NAV2: variants seen among roughly 807,000 people sequenced by gnomAD.
NAV2 encodes helicase, APC down-regulated 1.
NAV2 carries 54 observed loss-of-function variants against 223.2 expected under a neutral mutation model. That is an observed-to-expected ratio of 0.24 (90% CI 0.19 to 0.30). The LOEUF (loss-of-function observed/expected upper bound fraction) is 0.30, where lower values mean the gene tolerates loss of function less well. NAV2 is among the 10% of genes least tolerant of loss of function. NAV2 has a pLI of 1.00. For missense variants in NAV2, 2,806 were observed against 3,147.5 expected (o/e 0.89, Z 2.60); for synonymous variants, 1,279 against 1,239.3 (o/e 1.03, Z -0.67).
At chr11:19,708,625 C>T (rs1306117511), upstream of NAV2, among the ~76,000 whole-genome samples, 6 of 152,174 alleles carry the variant, frequency 3.9e-5, no homozygotes, top group East Asian at 1.2e-3. Context: ...TCACACTCAA[C>T]TAATCACAAG....
intron 1 of NAV2, among the ~76,000 whole-genome samples, chr11:19,424,074 C>T (rs905911445): frequency 2.0e-5 from 3 of 152,034 alleles, no homozygotes; most frequent in African/African-American, 4.8e-5. Flanking sequence ...AACTAATGCT[C>T]TTAGAATTTT....
intron 1 of NAV2, among the ~76,000 whole-genome samples, chr11:19,598,309 C>T (rs1385247385): frequency 2.6e-5 from 4 of 152,208 alleles, no homozygotes; most frequent in East Asian, 1.9e-4. Context: ...GCACCCACAG[C>T]GAGTAGCCAT....
Position 19,732,253 on chromosome 11 carries a change from C to T in NAV2, c.267+18291C>T, listed in dbSNP as rs566592011. Among the ~76,000 whole-genome samples, 54 of 144,084 alleles carry T rather than the reference C, an allele frequency of 3.7e-4. No individual in the cohort carries two copies. The East Asian group carries it at 7.8e-3, about 21-fold the overall frequency. 94.5% of individuals were successfully genotyped at this position (144,084 alleles called of 152,430 possible). A position where few individuals can be genotyped will look rare whatever the true frequency, so the allele number is the denominator to read the frequency against. On this transcript the variant is annotated intron_variant, in intron 1 of 37. Coordinates refer to ENST00000349880, the MANE Select transcript of NAV2 (RefSeq NM_145117.5). The stretch of plus-strand genomic sequence containing the variant: ...CAGCCTGGGTGACAGAGTGAGACTC[C>T]GTCTCAAGAAAAAAAAAAAAAGAGT...
At chr11:19,529,924 C>T (rs1309836652) in intron 1 of NAV2, among the ~76,000 whole-genome samples, 1 of 152,196 alleles carries the variant, frequency 6.6e-6, no homozygotes, top group African/African-American at 2.4e-5. Context: ...ATCTTTTTTA[C>T]TACCATTGAC....
intron 3 of NAV2, among the ~76,000 whole-genome samples, chr11:19,861,400 A>G (rs1243087892): frequency 6.6e-6 from 1 of 151,796 alleles, no homozygotes; most frequent in African/African-American, 2.4e-5. Flanking sequence ...AACCCAAGAC[A>G]CAGCTTTGGA....
At chr11:19,623,849 G>A (rs183278564) in intron 1 of NAV2, among the ~76,000 whole-genome samples, 1 of 152,288 alleles carries the variant, frequency 6.6e-6, no homozygotes, top group African/African-American at 2.4e-5. Context: ...GAGCTCTGAT[G>A]TTTAGAATTT....
chr11:20,032,328 G>T (rs752091413), intron 11 of NAV2, among the ~76,000 whole-genome samples: 1 of 152,172 alleles, frequency 6.6e-6, no homozygotes, highest in East Asian at 1.9e-4. Context: ...TCAACTCAGG[G>T]TAAGCACGCA....
intron 1 of NAV2, chr11:19,714,355 G>A (rs2050109261): frequency 2.1e-6 from 1 of 482,476 alleles, no homozygotes; most frequent in Non-Finnish European, 4.1e-6. Flanking sequence ...GTTCCGCAGA[G>A]ATTCTGTTCC....
intron 3 of NAV2, among the ~76,000 whole-genome samples, chr11:19,859,368 T>C (rs1462320317): frequency 6.6e-6 from 1 of 150,602 alleles, no homozygotes; most frequent in Non-Finnish European, 1.5e-5. Context: ...CCTTCAAGCT[T>C]CTGTTTAACA....
intron 1 of NAV2, among the ~76,000 whole-genome samples, chr11:19,371,357 T>A (rs570164957): frequency 6.6e-6 from 1 of 152,324 alleles, no homozygotes; most frequent in Non-Finnish European, 1.5e-5. Context: ...CACCATGTTC[T>A]TCCTGTTTCC....
chr11:19,640,311 C>T (rs763582289), intron 1 of NAV2, among the ~76,000 whole-genome samples: 4 of 152,246 alleles, frequency 2.6e-5, no homozygotes, highest in Non-Finnish European at 5.9e-5. Context: ...TGCAGGACTT[C>T]TCAGAGCCTG....
At chr11:19,842,637 A>T (rs892814074) in intron 2 of NAV2, among the ~76,000 whole-genome samples, 3 of 152,150 alleles carry the variant, frequency 2.0e-5, no homozygotes, top group African/African-American at 7.2e-5. Context: ...ACTGTCATCG[A>T]TGCAGTTGTC....
At chr11:19,617,696 G>T (rs919865166) in intron 1 of NAV2, among the ~76,000 whole-genome samples, 1 of 152,304 alleles carries the variant, frequency 6.6e-6, no homozygotes, top group East Asian at 1.9e-4. Flanking sequence ...AGACAGTTTT[G>T]GTTGAAACCT....
At chr11:19,986,944 T>C (rs1254878333) in intron 11 of NAV2, among the ~76,000 whole-genome samples, 1 of 152,212 alleles carries the variant, frequency 6.6e-6, no homozygotes, top group African/African-American at 2.4e-5. Context: ...TCTAAATGAG[T>C]GTTTCCCAAA....
At chr11:19,360,255 T>C (rs1853855483) in intron 1 of NAV2, among the ~76,000 whole-genome samples, 1 of 152,200 alleles carries the variant, frequency 6.6e-6, no homozygotes, top group Admixed American at 6.5e-5. Context: ...AATTCCTCAT[T>C]CCCCACCTTT....
intron 1 of NAV2, among the ~76,000 whole-genome samples, chr11:19,599,968 C>A (rs2046310687): frequency 6.6e-6 from 1 of 152,224 alleles, no homozygotes; most frequent in Non-Finnish European, 1.5e-5. Context: ...GATCCTCCAA[C>A]ACAGACTGTG....
intron 1 of NAV2, among the ~76,000 whole-genome samples, chr11:19,622,379 G>C (rs1489957927): frequency 1.3e-5 from 2 of 152,130 alleles, no homozygotes; most frequent in Non-Finnish European, 2.9e-5. Flanking sequence ...CATTATTATT[G>C]TGTGGGAGTC....
intron 1 of NAV2, among the ~76,000 whole-genome samples, chr11:19,448,306 G>C (rs536142058): frequency 6.6e-6 from 1 of 152,322 alleles, no homozygotes; most frequent in Non-Finnish European, 1.5e-5. Context: ...AACCCTCCCC[G>C]TGGGGTTGGT....
intron 12 of NAV2, among the ~76,000 whole-genome samples, chr11:20,043,068 G>T (rs921339187): frequency 6.6e-6 from 1 of 152,212 alleles, no homozygotes; most frequent in Non-Finnish European, 1.5e-5. Context: ...TAATGCTGGG[G>T]TCGGAGCAGG....
Sources: gnomAD v4.1 joint callset for allele counts (sites outside exome capture counted in the v4.1 genomes callset) on GRCh38, gnomAD v4.1.1 for gene constraint, MANE v1.5 for transcripts, NCBI Gene and HGNC (gene_info 2026-07-23, HGNC 2026-07-21) for gene names.